KIAA0513: variants seen among roughly 807,000 people sequenced by gnomAD.
KIAA0513 encodes the protein uncharacterized protein KIAA0513.
Under a neutral mutation model 56.5 loss-of-function variants are expected in KIAA0513, and 39 were observed. That is an observed-to-expected ratio of 0.69 (90% CI 0.53 to 0.90). The LOEUF (loss-of-function observed/expected upper bound fraction) is 0.90, where lower values mean the gene tolerates loss of function less well. Among genes scored for constraint, KIAA0513 ranks in the 40% least tolerant of loss-of-function variants. The pLI, the probability that KIAA0513 is intolerant of heterozygous loss-of-function variation, is 0.00. For missense variants in KIAA0513, 591 were observed against 535.2 expected (o/e 1.10, Z -1.03); for synonymous variants, 268 against 215.6 (o/e 1.24, Z -2.13).
chr16:85,038,638 G>GCTC (rs1005902329), intron 1 of KIAA0513, among the ~76,000 whole-genome samples: 2 of 150,886 alleles, frequency 1.3e-5, no homozygotes, highest in African/African-American at 4.9e-5. Context: ...AACCTAGGAG[G>GCTC]CGGAGGTTGC....
intron 1 of KIAA0513, among the ~76,000 whole-genome samples, chr16:85,060,236 C>CG (rs1255023526): frequency 7.2e-5 from 11 of 152,092 alleles, no homozygotes; most frequent in Non-Finnish European, 1.6e-4. Context: ...GTTGGGATTA[C>CG]AGGCGTGAGC....
chr16:85,054,224 T>C (rs2143939770), intron 1 of KIAA0513, among the ~76,000 whole-genome samples: 1 of 152,144 alleles, frequency 6.6e-6, no homozygotes, highest in East Asian at 1.9e-4. Flanking sequence ...ATTTTTGTTC[T>C]ATCCTTATTG....
At chr16:85,064,975 G>A (rs8059795) in intron 1 of KIAA0513, among the ~76,000 whole-genome samples, 4,903 of 152,276 alleles carry the variant, frequency 0.032, 145 homozygotes, top group African/African-American at 0.073. Context: ...GTGAGCCACC[G>A]CGCCCGGCCT....
intron 4 of KIAA0513, among the ~76,000 whole-genome samples, chr16:85,075,081 A>G (rs1398857588): frequency 1.0e-5 from 1 of 99,116 alleles, no homozygotes; most frequent in Non-Finnish European, 2.4e-5. Flanking sequence ...TATTTAGACA[A>G]TATGGGATTT....
intron 1 of KIAA0513, among the ~76,000 whole-genome samples, chr16:85,046,730 C>G (rs1004914969): frequency 6.6e-6 from 1 of 152,178 alleles, no homozygotes; most frequent in African/African-American, 2.4e-5. Context: ...TTGAGCCTAT[C>G]TAGTGGGTTT....
At chr16:85,064,077 C>T (rs2073444827) in intron 1 of KIAA0513, among the ~76,000 whole-genome samples, 1 of 148,390 alleles carries the variant, frequency 6.7e-6, no homozygotes, top group Non-Finnish European at 1.5e-5. Context: ...CTGACCTCAG[C>T]TCACTGCAAC....
chr16:85,070,063 C>G (rs886354239), intron 2 of KIAA0513, among the ~76,000 whole-genome samples: 3 of 151,094 alleles, frequency 2.0e-5, no homozygotes, highest in African/African-American at 7.3e-5. Context: ...CCCAGCTACT[C>G]AGGAGGCTGA....
intron 1 of KIAA0513, among the ~76,000 whole-genome samples, chr16:85,036,548 C>G (rs1482143268): frequency 6.6e-6 from 1 of 150,608 alleles, no homozygotes; most frequent in Non-Finnish European, 1.5e-5. Flanking sequence ...GAAAGAGTGC[C>G]GGTGCCTTCT....
In KIAA0513 at chr16:85,078,955, A is replaced by G; in HGVS notation, c.854A>G (p.Lys285Arg). Reference sequence around the variant, plus strand: ...GCGTACAGCCCCGAGGACGAAAAGAAGGGGGAGAAGATCTACCTGTACACG... The same window carrying G: ...GCGTACAGCCCCGAGGACGAAAAGAGGGGGGAGAAGATCTACCTGTACACG... The part of the protein sequence containing the change: ...VTAYSPEDEK[K>R]GEKIYLYTHL... The change falls in exon 8 of 13, where the codon AAG becomes AGG. Residue 285 changes from lysine (K) to arginine (R), a missense_variant. Transcript: ENST00000683363. 1 of 1,614,130 alleles carries G rather than the reference A, an allele frequency of 6.2e-7. No individual in the cohort carries two copies. Among genetic ancestry groups the G allele is most frequent in the Non-Finnish European group, 8.5e-7 (1 of 1,180,006 alleles).
intron 1 of KIAA0513, among the ~76,000 whole-genome samples, chr16:85,034,745 C>T (rs997473143): frequency 2.6e-5 from 4 of 152,176 alleles, no homozygotes; most frequent in Non-Finnish European, 5.9e-5. Context: ...CTTTAGCCCT[C>T]ACCAAAACAG....
chr16:85,075,775 T>C, intron 4 of KIAA0513, 69 bp from the exon 5 acceptor site: 2 of 1,375,788 alleles, frequency 1.5e-6, no homozygotes, highest in Non-Finnish European at 2.1e-6. Context: ...GTCTCAGTGA[T>C]GTCTGACCGA....
At chr16:85,078,380 T>A (rs1356438254) in intron 6 of KIAA0513, 35 bp from the exon 7 acceptor site, 2 of 1,612,752 alleles carry the variant, frequency 1.2e-6, no homozygotes, top group South Asian at 1.1e-5. Flanking sequence ...GTGGTGTGAG[T>A]CGCGTGTGTC....
chr16:85,064,499 G>C (rs916627991), intron 1 of KIAA0513, among the ~76,000 whole-genome samples: 1 of 152,150 alleles, frequency 6.6e-6, no homozygotes, highest in African/African-American at 2.4e-5. Context: ...GCCTTTTGAA[G>C]TATTATCTCT....
chr16:85,031,813 C>T (rs1002134225), intron 1 of KIAA0513, among the ~76,000 whole-genome samples: 2 of 152,186 alleles, frequency 1.3e-5, no homozygotes, highest in Non-Finnish European at 1.5e-5. Context: ...TGATCCCTGC[C>T]CACTCACTCT....
intron 1 of KIAA0513, among the ~76,000 whole-genome samples, chr16:85,043,120 A>G (rs2073125485): frequency 6.6e-6 from 1 of 152,240 alleles, no homozygotes; most frequent in East Asian, 1.9e-4. Flanking sequence ...CTAGCAGTGT[A>G]TAAAAATACT....
intron 2 of KIAA0513, among the ~76,000 whole-genome samples, chr16:85,070,623 A>G (rs1206471017): frequency 6.6e-6 from 1 of 152,228 alleles, no homozygotes; most frequent in Non-Finnish European, 1.5e-5. Context: ...GGTTGCAATG[A>G]GCTGAGATTG....
At chr16:85,049,970 G>C (rs1172816994) in intron 1 of KIAA0513, among the ~76,000 whole-genome samples, 1 of 152,196 alleles carries the variant, frequency 6.6e-6, no homozygotes, top group African/African-American at 2.4e-5. Flanking sequence ...GTCTCTGTCC[G>C]AGTTGAATTC....
At chr16:85,068,953 A>G (rs1395451132) in intron 2 of KIAA0513, among the ~76,000 whole-genome samples, 1 of 152,172 alleles carries the variant, frequency 6.6e-6, no homozygotes. Context: ...AAGAGGTTGC[A>G]ATGATTCACT....
At chr16:85,038,352 C>T (rs2073062013) in intron 1 of KIAA0513, among the ~76,000 whole-genome samples, 3 of 152,200 alleles carry the variant, frequency 2.0e-5, no homozygotes, top group East Asian at 1.9e-4. Context: ...AGACGCACCA[C>T]GTGTATGATT....
Sources: gnomAD v4.1 joint callset for allele counts (sites outside exome capture counted in the v4.1 genomes callset) on GRCh38, gnomAD v4.1.1 for gene constraint, MANE v1.5 for transcripts, NCBI Gene and HGNC (gene_info 2026-07-23, HGNC 2026-07-21) for gene names.